TIMMDC1: variants seen among roughly 807,000 people sequenced by gnomAD.
TIMMDC1 encodes translocase of inner mitochondrial membrane domain containing 1, also known as complex I assembly factor TIMMDC1, mitochondrial.
In TIMMDC1, 25 loss-of-function variants were observed where a neutral mutation model predicts 32.6. That is an observed-to-expected ratio of 0.77 (90% CI 0.56 to 1.07). The LOEUF (loss-of-function observed/expected upper bound fraction) is 1.07, where lower values mean the gene tolerates loss of function less well. TIMMDC1 is among the 50% of genes least tolerant of loss of function. The probability of loss-of-function intolerance (pLI) is 0.00; values close to 1 mark genes in which losing one functional copy is unlikely to be tolerated. For missense variants in TIMMDC1, 329 were observed against 349.2 expected, an observed-to-expected ratio of 0.94 and a Z score of 0.46; for synonymous variants, 130 against 127.6, an observed-to-expected ratio of 1.02 and a Z score of -0.13.
Position 119,498,729 on chromosome 3 carries a change from A to T in TIMMDC1, c.-5A>T, listed in dbSNP as rs761253701. On this transcript the variant is annotated 5_prime_UTR_variant, in exon 1 of 7. In the 5' UTR this introduces an upstream ATG that the reference lacks. Transcript: ENST00000494664. ...TCAAGTTTGTCCGTAGGTCGAGAGA[A>T]GGCCATGGAGGTGCCGCCACCGGCA... 5 of 1,613,796 alleles carry T rather than the reference A, an allele frequency of 3.1e-6. No homozygotes were observed. The East Asian group carries it at 1.1e-4, about 36-fold the overall frequency.
intron 5 of TIMMDC1, among the ~76,000 whole-genome samples, 180 bp downstream of exon 5, chr3:119,513,899 T>C (rs1182651519): frequency 6.6e-6 from 1 of 152,236 alleles, no homozygotes; most frequent in African/African-American, 2.4e-5. Context: ...TAGTTTATCT[T>C]ATTTACAGTT....
In TIMMDC1 at chr3:119,524,787, C is replaced by T. The variant is rs1232116739; in HGVS notation, c.*1031C>T. ...ATGAACAGCAGTTGGCTATGTCTTT[C>T]CAGTTCTCTGCTGATGTCAGAAAGA... On this transcript the variant is annotated 3_prime_UTR_variant, in exon 7 of 7. Transcript: ENST00000494664. 1 of 152,192 alleles carries T rather than the reference C, an allele frequency of 6.6e-6. No individual in the cohort carries two copies. The highest frequency in any genetic ancestry group is 2.1e-4 in the South Asian group (1 of 4,826). The allele number at this position is 152,192 out of a possible 1,614,324, so 9.4% of individuals were successfully genotyped here. A position where few individuals can be genotyped will look rare whatever the true frequency, so the allele number is the denominator to read the frequency against.
intron 5 of TIMMDC1, 140 bp from the exon 6 acceptor site, chr3:119,517,065 G>A: frequency 2.0e-6 from 1 of 495,278 alleles, no homozygotes; most frequent in East Asian, 3.1e-5. Context: ...ATTTGACAAG[G>A]ACACTTTAAT....
Position 119,524,158 on chromosome 3 carries a change from A to G in TIMMDC1, c.*402A>G, listed in dbSNP as rs1391946267. On this transcript the variant is annotated 3_prime_UTR_variant, in exon 7 of 7. Transcript: ENST00000494664. ...AGGAGAGGAAAGAACCAGGTAGGCA[A>G]ATGGTCTGTGAAACCCTTGGGTCCT... The G allele has an allele frequency of 6.5e-6, 1 of 154,456 alleles. No individual in the cohort carries two copies. Among genetic ancestry groups the G allele is most frequent in the African/African-American group, 2.4e-5 (1 of 41,520 alleles). The allele number at this position is 154,456 out of a possible 1,614,324, so 9.6% of individuals were successfully genotyped here. A position where few individuals can be genotyped will look rare whatever the true frequency, so the allele number is the denominator to read the frequency against.
Position 119,524,644 on chromosome 3 carries a change from T to A in TIMMDC1, c.*888T>A, listed in dbSNP as rs1187785218. On this transcript the variant is annotated 3_prime_UTR_variant, in exon 7 of 7. Coordinates refer to ENST00000494664, the MANE Select transcript of TIMMDC1 (RefSeq NM_016589.4). ...TGTGCATTTGAGAAATGTTGTCTTC[T>A]TTTGCTGTTCAACTCCAGATTTTCA... 2 of 152,242 alleles carry A rather than the reference T, an allele frequency of 1.3e-5. No homozygotes were observed. Among genetic ancestry groups the A allele is most frequent in the African/African-American group, 4.8e-5 (2 of 41,470 alleles). 9.4% of individuals were successfully genotyped at this position (152,242 alleles called of 1,614,324 possible).
At chr3:119,513,019 G>A (rs1025259731) in intron 4 of TIMMDC1, among the ~76,000 whole-genome samples, 8 of 152,230 alleles carry the variant, frequency 5.3e-5, no homozygotes, top group Admixed American at 4.6e-4. Context: ...GGGATTACAG[G>A]TGTGAGCCAT....
At chr3:119,512,241 A>C (rs1577099656) in intron 4 of TIMMDC1, among the ~76,000 whole-genome samples, 1 of 152,172 alleles carries the variant, frequency 6.6e-6, no homozygotes, top group Admixed American at 6.5e-5. Context: ...AAAATAAAAA[A>C]TTTAGTATGT....
intron 1 of TIMMDC1, 69 bp from the exon 2 acceptor site, chr3:119,500,626 T>TTA (rs1165976882): frequency 1.4e-6 from 2 of 1,421,216 alleles, no homozygotes; most frequent in Admixed American, 2.1e-5. Context: ...TTAATTCTGA[T>TTA]TATAGAGTCT....
intron 2 of TIMMDC1, among the ~76,000 whole-genome samples, chr3:119,502,657 C>T (rs907567723): frequency 6.6e-6 from 1 of 152,008 alleles, no homozygotes; most frequent in African/African-American, 2.4e-5. Context: ...CTTCTGGACT[C>T]AAGGTTTCCT....
chr3:119,498,944 T>TGTGAA lies in TIMMDC1; in HGVS notation c.194+21_194+25dup. On this transcript the variant is annotated intron_variant, in intron 1 of 6. Transcript: ENST00000494664. ...TGGCAAAGAGTAAAAGTGCCTAGGG[T>TGTGAA]GTGAAGTGGGGTAGGGGGCCGCGAA... The TGTGAA allele has an allele frequency of 6.2e-7, 1 of 1,612,566 alleles. No individual in the cohort carries two copies. Among genetic ancestry groups the TGTGAA allele is most frequent in the African/African-American group, 1.3e-5 (1 of 74,778 alleles).
Position 119,513,663 on chromosome 3 carries a change from G to T in TIMMDC1, c.540G>T (p.Arg180Ser), listed in dbSNP as rs757622339. 15 of 1,613,170 alleles carry T rather than the reference G, an allele frequency of 9.3e-6. No individual in the cohort carries two copies. Among genetic ancestry groups the T allele is most frequent in the Non-Finnish European group, 1.0e-5 (12 of 1,179,584 alleles). ...IAGAVTGSLF[R>S]INVGLRGLVA... ...TAGCTGTCACGGGAAGTCTTTTTAGGATAAACGTAGGCCTGCGTGGCCTGG... is the reference window on the plus strand; with the variant it reads ...TAGCTGTCACGGGAAGTCTTTTTAGTATAAACGTAGGCCTGCGTGGCCTGG... The change falls in exon 5 of 7, where the codon AGG becomes AGT. Residue 180 changes from arginine (R) to serine (S), a missense_variant. Physicochemically the swap from Arg to Ser is moderately radical, Grantham distance 110. Transcript: ENST00000494664.
chr3:119,500,098 G>C (rs1056375897), intron 1 of TIMMDC1, among the ~76,000 whole-genome samples: 7 of 152,282 alleles, frequency 4.6e-5, no homozygotes, highest in Non-Finnish European at 1.0e-4. Context: ...AGTCCTATCT[G>C]AGTATTTCAT....
intron 5 of TIMMDC1, among the ~76,000 whole-genome samples, chr3:119,516,669 A>G (rs1015958244): frequency 2.0e-5 from 3 of 152,290 alleles, no homozygotes; most frequent in Non-Finnish European, 2.9e-5. Flanking sequence ...CAGTTTCTCA[A>G]TGGGTTGCTA....
intron 5 of TIMMDC1, among the ~76,000 whole-genome samples, chr3:119,514,942 C>A (rs2081975535): frequency 6.6e-6 from 1 of 152,092 alleles, no homozygotes. Flanking sequence ...GTAAAACCAG[C>A]AGTTTGGGAG....
chr3:119,506,113 G>C (rs1399905669), intron 4 of TIMMDC1, among the ~76,000 whole-genome samples: 1 of 152,164 alleles, frequency 6.6e-6, no homozygotes, highest in South Asian at 2.1e-4. Context: ...GGCATTAATA[G>C]CGTTAGAGCA....
chr3:119,515,555 C>T (rs999106983), intron 5 of TIMMDC1, among the ~76,000 whole-genome samples: 5 of 152,020 alleles, frequency 3.3e-5, no homozygotes, highest in African/African-American at 1.2e-4. Flanking sequence ...ATAATATAAT[C>T]ATGGGCATAA....
At chr3:119,505,658 C>T (rs190612504) in intron 4 of TIMMDC1, among the ~76,000 whole-genome samples, 76 of 152,308 alleles carry the variant, frequency 5.0e-4, no homozygotes, top group African/African-American at 1.6e-3. Context: ...TAAGCTACCA[C>T]GCCCGGCCTG....
intron 4 of TIMMDC1, among the ~76,000 whole-genome samples, chr3:119,509,847 G>T (rs778491208): frequency 2.0e-5 from 3 of 151,974 alleles, no homozygotes; most frequent in African/African-American, 7.3e-5. Flanking sequence ...CACCATACCC[G>T]GCTAATTTTT....
rs116644641 is a variant in TIMMDC1 at position 119,519,466 on chromosome 3, T to C, written c.707+2151T>C. 8.6e-3 allele frequency among the ~76,000 whole-genome samples: 1,299 copies of C among 150,250 alleles called. 15 individuals are homozygous for C. The highest frequency in any genetic ancestry group is 0.03 in the African/African-American group (1,222 of 41,158). ...AAATGAGCAGGAATAGCTATACTTATGCTAGATAAAATAGGCTTTAAATAA... is the reference window on the plus strand; with the variant it reads ...AAATGAGCAGGAATAGCTATACTTACGCTAGATAAAATAGGCTTTAAATAA... On this transcript the variant is annotated intron_variant, in intron 6 of 6. Transcript: ENST00000494664.
Sources: allele counts gnomAD v4.1 joint callset (sites outside exome capture counted in the v4.1 genomes callset), GRCh38; gene constraint gnomAD v4.1.1; transcripts MANE v1.5; gene names NCBI Gene and HGNC (gene_info 2026-07-23, HGNC 2026-07-21).